Variants in PLXNA4 observed in about 807,000 individuals in gnomAD.
The protein encoded by PLXNA4 is plexin-A4.
A neutral mutation model predicts 191.8 loss-of-function variants in PLXNA4; 44 were observed. That is an observed-to-expected ratio of 0.23 (90% CI 0.18 to 0.29). The LOEUF (loss-of-function observed/expected upper bound fraction) is 0.29. PLXNA4 is among the 10% of genes least tolerant of loss of function. The probability of loss-of-function intolerance (pLI) is 1.00; values close to 1 mark genes in which losing one functional copy is unlikely to be tolerated. For synonymous variants in PLXNA4, 1,082 were observed against 1,009.5 expected (o/e 1.07, Z -1.36); for missense variants, 1,800 against 2,488.8 (o/e 0.72, Z 5.89).
In PLXNA4 at chr7:132,142,854, G is replaced by C. The variant is rs1584757731; in HGVS notation, c.5226-2043C>G. 2.0e-5 allele frequency among the ~76,000 whole-genome samples: 3 copies of C among 152,298 alleles called. No homozygotes were observed. In the South Asian group the frequency reaches 6.2e-4, roughly 32 times the overall value. On this transcript the variant is annotated intron_variant, in intron 29 of 31. Transcript: ENST00000321063. ...CTGTTGTTCCACAAGTTACACCAAG[G>C]ATAGGGACTCTGGGAGTCCACATTT... is the stretch of plus-strand genomic sequence containing the variant.
intron 4 of PLXNA4, among the ~76,000 whole-genome samples, chr7:132,295,182 T>C (rs755328725): frequency 1.3e-5 from 2 of 152,212 alleles, no homozygotes; most frequent in Non-Finnish European, 2.9e-5. Context: ...TGGGGACTCA[T>C]TCATTAAAAA....
intron 30 of PLXNA4, among the ~76,000 whole-genome samples, chr7:132,137,063 A>G (rs899570413): frequency 4.6e-5 from 7 of 152,212 alleles, no homozygotes; most frequent in African/African-American, 1.7e-4. Context: ...CTCATGATGG[A>G]TACCATTAAT....
At chr7:132,387,288 T>A (rs1386965705) in intron 3 of PLXNA4, among the ~76,000 whole-genome samples, 4 of 152,202 alleles carry the variant, frequency 2.6e-5, no homozygotes, top group African/African-American at 9.7e-5. Flanking sequence ...CCCAGGCAAT[T>A]TGTATGCATG....
chr7:132,280,148 C>T (rs527373095), intron 4 of PLXNA4, among the ~76,000 whole-genome samples: 10 of 152,324 alleles, frequency 6.6e-5, no homozygotes, highest in African/African-American at 2.2e-4. Context: ...TCTCGACCCA[C>T]TAATGTGTCA....
intron 24 of PLXNA4, among the ~76,000 whole-genome samples, chr7:132,160,507 C>A (rs549980046): frequency 1.6e-4 from 25 of 152,180 alleles, no homozygotes; most frequent in Non-Finnish European, 3.4e-4. Flanking sequence ...GATCTTTCTA[C>A]ATCGACGGCA....
chr7:132,302,787 C>T (rs1801357071), intron 3 of PLXNA4, among the ~76,000 whole-genome samples: 1 of 152,104 alleles, frequency 6.6e-6, no homozygotes. Context: ...GACACACTGA[C>T]CAGTGGCCAT....
chr7:132,133,289 G>A (rs577026836), intron 30 of PLXNA4, 90 bp from the exon 31 acceptor site: 1 of 1,546,492 alleles, frequency 6.5e-7, no homozygotes, highest in African/African-American at 1.4e-5. Context: ...CTGGGGCCAT[G>A]AGCTCAGCTT....
intron 3 of PLXNA4, among the ~76,000 whole-genome samples, chr7:132,432,948 C>G (rs1795323315): frequency 6.6e-6 from 1 of 152,142 alleles, no homozygotes. Context: ...GCTATCATGT[C>G]TCTTGTATGC....
rs533622981 is a variant in PLXNA4 at position 132,126,098 on chromosome 7, A to C, written c.*4381T>G. 7 of 152,566 alleles carry C rather than the reference A, an allele frequency of 4.6e-5. No individual in the cohort carries two copies. Among genetic ancestry groups the C allele is most frequent in the African/African-American group, 1.4e-4 (6 of 41,544 alleles). The allele number at this position is 152,566 out of a possible 1,614,324, so 9.5% of individuals were successfully genotyped here. A position where few individuals can be genotyped will look rare whatever the true frequency, so the allele number is the denominator to read the frequency against. ...TGTGTCCCCTTGGTCCTGGGAAAGA[A>C]GACAGATGGAAATTGAGCTTTTCTT... On this transcript the variant is annotated 3_prime_UTR_variant, in exon 32 of 32. Coordinates refer to ENST00000321063, the MANE Select transcript of PLXNA4 (RefSeq NM_020911.2).
intron 4 of PLXNA4, among the ~76,000 whole-genome samples, chr7:132,284,629 A>C (rs1800614306): frequency 6.6e-6 from 1 of 152,158 alleles, no homozygotes; most frequent in Admixed American, 6.5e-5. Flanking sequence ...GACTCAGACT[A>C]TGAGGCCAGA....
intron 28 of PLXNA4, among the ~76,000 whole-genome samples, chr7:132,146,299 C>T (rs1584761431): frequency 6.6e-6 from 1 of 152,040 alleles, no homozygotes; most frequent in African/African-American, 2.4e-5. Flanking sequence ...CATGCCAACA[C>T]TGATGTATTG....
chr7:132,604,383 A>G (rs984403552), intron 2 of PLXNA4, among the ~76,000 whole-genome samples: 1 of 152,216 alleles, frequency 6.6e-6, no homozygotes. Flanking sequence ...AACAGGAGAC[A>G]GGGTAGATAT....
intron 2 of PLXNA4, among the ~76,000 whole-genome samples, chr7:132,627,169 T>G (rs779652883): frequency 6.6e-6 from 1 of 152,202 alleles, no homozygotes; most frequent in African/African-American, 2.4e-5. Flanking sequence ...AGAAGAATGG[T>G]ATTCCTTCCC....
intron 3 of PLXNA4, among the ~76,000 whole-genome samples, chr7:132,406,246 T>G (rs752367950): frequency 1.3e-5 from 2 of 152,254 alleles, no homozygotes; most frequent in Admixed American, 6.5e-5. Context: ...AGGGATAGCA[T>G]GCCCTCCTGC....
In PLXNA4 at chr7:132,241,180, A is replaced by G. The variant is rs781440628; in HGVS notation, c.1504-14T>C. On this transcript the variant is annotated splice_polypyrimidine_tract_variant and intron_variant, in intron 4 of 31. Coordinates refer to ENST00000321063, the MANE Select transcript of PLXNA4 (RefSeq NM_020911.2). ...GACTCTGGTGAGCTAGGACAGCAGG[A>G]TAGGGAGAAGGTGGTCAAGATTTTG... The G allele has an allele frequency of 6.2e-7, 1 of 1,601,784 alleles. No individual in the cohort carries two copies. Among genetic ancestry groups the G allele is most frequent in the Non-Finnish European group, 8.5e-7 (1 of 1,170,820 alleles).
chr7:132,395,173 G>A (rs951935694), intron 3 of PLXNA4, among the ~76,000 whole-genome samples: 4 of 152,216 alleles, frequency 2.6e-5, no homozygotes, highest in Non-Finnish European at 4.4e-5. Flanking sequence ...AGGCATTCAG[G>A]TGTAGGTCTG....
chr7:132,637,629 C>A (rs1468910043), intron 2 of PLXNA4, among the ~76,000 whole-genome samples: 3 of 152,256 alleles, frequency 2.0e-5, no homozygotes, highest in Admixed American at 1.3e-4. Flanking sequence ...GTCTGAGAAA[C>A]CCTTGGCAGC....
intron 3 of PLXNA4, among the ~76,000 whole-genome samples, chr7:132,446,927 T>C (rs1795932365): frequency 6.6e-6 from 1 of 152,158 alleles, no homozygotes; most frequent in African/African-American, 2.4e-5. Flanking sequence ...TGCCTGGACC[T>C]TCCATCCTCC....
At chr7:132,180,535 TCTGCATCCCTA>T in intron 19 of PLXNA4, 40 bp downstream of exon 19, 1 of 1,607,994 alleles carries the variant, frequency 6.2e-7, no homozygotes, top group Non-Finnish European at 8.5e-7. Context: ...TGAGCTCACA[TCTGCATCCCTA>T]CTGCCCGCTC....
Sources: allele counts gnomAD v4.1 joint callset (sites outside exome capture counted in the v4.1 genomes callset), GRCh38; gene constraint gnomAD v4.1.1; transcripts MANE v1.5; gene names NCBI Gene and HGNC (gene_info 2026-07-23, HGNC 2026-07-21).